The following CPT1A variants were observed in gnomAD, a reference collection of about 807,000 sequenced individuals.
The protein encoded by CPT1A is carnitine O-palmitoyltransferase 1, liver isoform.
CPT1A carries 64 observed loss-of-function variants against 100.8 expected under a neutral mutation model. That is an observed-to-expected ratio of 0.63 (90% CI 0.52 to 0.78). CPT1A has a LOEUF of 0.78. Among genes scored for constraint, CPT1A ranks in the 30% least tolerant of loss-of-function variants. CPT1A has a pLI of 0.00. For synonymous variants in CPT1A, 363 were observed against 396.0 expected, an observed-to-expected ratio of 0.92 and a Z score of 0.99; for missense variants, 802 against 1,034.1, an observed-to-expected ratio of 0.78 and a Z score of 3.08.
intron 9 of CPT1A, among the ~76,000 whole-genome samples, chr11:68,788,462 G>T (rs1173546451): frequency 6.6e-6 from 1 of 151,822 alleles, no homozygotes; most frequent in Admixed American, 6.6e-5. Context: ...AGCTGGGTGT[G>T]GTGGTGCATG....
At chr11:68,835,111 G>T (rs1856976402) in intron 1 of CPT1A, among the ~76,000 whole-genome samples, 1 of 152,090 alleles carries the variant, frequency 6.6e-6, no homozygotes, top group African/African-American at 2.4e-5. Context: ...ATTTGGAAAA[G>T]CCACAAAGAT....
intron 12 of CPT1A, 60 bp from the exon 13 acceptor site, chr11:68,775,492 C>A: frequency 6.2e-6 from 8 of 1,286,382 alleles, no homozygotes; most frequent in Non-Finnish European, 9.1e-6. Context: ...ACATTAACCT[C>A]CAACATGAAG....
At chr11:68,797,187 A>G (rs1478351666) in intron 6 of CPT1A, among the ~76,000 whole-genome samples, 1 of 152,220 alleles carries the variant, frequency 6.6e-6, no homozygotes, top group East Asian at 1.9e-4. Flanking sequence ...TAGATGGTTC[A>G]AAAGGGAAAT....
chr11:68,799,478 G>T, intron 5 of CPT1A, 123 bp from the exon 6 acceptor site: 1 of 1,086,782 alleles, frequency 9.2e-7, no homozygotes, highest in Non-Finnish European at 1.4e-6. Flanking sequence ...GCTGGGCATG[G>T]TGGCTCATGC....
intron 3 of CPT1A, among the ~76,000 whole-genome samples, chr11:68,809,398 C>T (rs1355579720): frequency 6.6e-6 from 1 of 152,166 alleles, no homozygotes; most frequent in Non-Finnish European, 1.5e-5. Context: ...AGATAAAAAA[C>T]GTTAGCAAAA....
At chr11:68,772,055 C>G (rs748782125) in intron 14 of CPT1A, among the ~76,000 whole-genome samples, 1 of 152,174 alleles carries the variant, frequency 6.6e-6, no homozygotes, top group Non-Finnish European at 1.5e-5. Flanking sequence ...GTACAGCACT[C>G]AAGTTTTAAT....
At chr11:68,767,595 T>C (rs998482278) in intron 14 of CPT1A, among the ~76,000 whole-genome samples, 21 of 152,094 alleles carry the variant, frequency 1.4e-4, no homozygotes, top group African/African-American at 4.8e-4. Flanking sequence ...CTCAAAAATA[T>C]ATATACACAT....
chr11:68,823,197 C>T (rs1365661143), intron 1 of CPT1A, among the ~76,000 whole-genome samples: 1 of 151,886 alleles, frequency 6.6e-6, no homozygotes, highest in Admixed American at 6.6e-5. Flanking sequence ...CTGCAGTGAG[C>T]CGTGACTGCA....
intron 9 of CPT1A, 26 bp downstream of exon 9, chr11:68,793,289 G>A (rs375650725): frequency 5.8e-6 from 9 of 1,561,260 alleles, no homozygotes; most frequent in Admixed American, 1.7e-5. Context: ...CGATTCTCCA[G>A]GGGGCCCTGA....
chr11:68,839,428 C>A, intron 1 of CPT1A: 1 of 847,098 alleles, frequency 1.2e-6, no homozygotes, highest in Non-Finnish European at 1.4e-6. Flanking sequence ...AGCCCCGCCC[C>A]CAGGCTGGCG....
chr11:68,794,813 T>C lies in CPT1A; in HGVS notation c.870A>G (p.Glu290=). The change falls in exon 8 of 19, where the codon GAA becomes GAG. Residue 290 remains glutamate, a synonymous_variant. Coordinates refer to ENST00000265641, the MANE Select transcript of CPT1A (RefSeq NM_001876.4). Reference sequence around the variant, plus strand: ...CAATTTGTTTGCCTACTGGTTTGATTTCCTCCCGGTCCAGTTTGCGCCTGT... The same window carrying C: ...CAATTTGTTTGCCTACTGGTTTGATCTCCTCCCGGTCCAGTTTGCGCCTGT... ...LLYRRKLDRE[E]IKPIRLLGST... 1 of 1,613,946 alleles carries C rather than the reference T, an allele frequency of 6.2e-7. No individual in the cohort carries two copies. Among genetic ancestry groups the C allele is most frequent in the Non-Finnish European group, 8.5e-7 (1 of 1,179,778 alleles).
chr11:68,762,608 C>G lies in CPT1A; in HGVS notation c.1875+19G>C, dbSNP rs749119045. On this transcript the variant is annotated intron_variant, in intron 15 of 18. Coordinates refer to ENST00000265641, the MANE Select transcript of CPT1A (RefSeq NM_001876.4). Reference sequence around the variant, plus strand: ...AAGTGTGACAAGCACGTTGTGTCCTCAGCCTGATGGCACATTACCGTCTGG... The same window carrying G: ...AAGTGTGACAAGCACGTTGTGTCCTGAGCCTGATGGCACATTACCGTCTGG... The G allele has an allele frequency of 1.2e-6, 2 of 1,613,002 alleles. No individual in the cohort carries two copies. Among genetic ancestry groups the G allele is most frequent in the East Asian group, 4.5e-5 (2 of 44,872 alleles).
At chr11:68,764,007 G>A (rs549923421) in intron 14 of CPT1A, among the ~76,000 whole-genome samples, 7 of 152,286 alleles carry the variant, frequency 4.6e-5, no homozygotes, top group Admixed American at 2.0e-4. Flanking sequence ...ACAAGGGGAT[G>A]GGGTCAAGGA....
In CPT1A at chr11:68,803,167, A is replaced by G. The variant is rs866472689; in HGVS notation, c.555+833T>C. 1.8e-4 allele frequency among the ~76,000 whole-genome samples: 27 copies of G among 152,340 alleles called. 1 individual carries two copies. In the Middle Eastern group the frequency reaches 0.014, roughly 77 times the overall value. ...ATATGGTCTAGCCATGCAATGGAAT[A>G]CTATTCAGCCATAAGAAGGAGGGAA... is the stretch of plus-strand genomic sequence containing the variant. On this transcript the variant is annotated intron_variant, in intron 5 of 18. Coordinates refer to ENST00000265641, the MANE Select transcript of CPT1A (RefSeq NM_001876.4).
At chr11:68,760,745 G>A (rs1946791073) in intron 16 of CPT1A, among the ~76,000 whole-genome samples, 1 of 152,206 alleles carries the variant, frequency 6.6e-6, no homozygotes, top group Non-Finnish European at 1.5e-5. Context: ...AGGCGCAATG[G>A]TTCATGTCTG....
At chr11:68,822,814 A>C (rs1349196442) in intron 1 of CPT1A, among the ~76,000 whole-genome samples, 1 of 152,182 alleles carries the variant, frequency 6.6e-6, no homozygotes, top group African/African-American at 2.4e-5. Flanking sequence ...CGTGATGCTG[A>C]GTGAAAGAAG....
intron 3 of CPT1A, among the ~76,000 whole-genome samples, chr11:68,812,092 A>T (rs1856227774): frequency 6.6e-6 from 1 of 152,186 alleles, no homozygotes; most frequent in South Asian, 2.1e-4. Flanking sequence ...CTACATGGGG[A>T]ATCAGCCCTT....
At chr11:68,797,697 G>A (rs1035603805) in intron 6 of CPT1A, among the ~76,000 whole-genome samples, 38 of 152,184 alleles carry the variant, frequency 2.5e-4, no homozygotes, top group African/African-American at 9.2e-4. Context: ...AGAAACAAAG[G>A]CCAGGAGCGG....
At chr11:68,843,545 G>C (rs1232133497), upstream of CPT1A, among the ~76,000 whole-genome samples, 1 of 152,208 alleles carries the variant, frequency 6.6e-6, no homozygotes, top group Non-Finnish European at 1.5e-5. This position sits in a 1 kb window ranked among gnomAD's most constrained non-coding sequence, Gnocchi z 4.0. Context: ...ACTGCCACCC[G>C]CGCGTGCAAG....
Sources: gnomAD v4.1 joint callset for allele counts (sites outside exome capture counted in the v4.1 genomes callset) on GRCh38, gnomAD v4.1.1 for gene constraint, Gnocchi (gnomAD v3.1) non-coding constraint, MANE v1.5 for transcripts, NCBI Gene and HGNC (gene_info 2026-07-23, HGNC 2026-07-21) for gene names.